ABCC3: variants seen among roughly 807,000 people sequenced by gnomAD.
ABCC3 encodes the protein ATP-binding cassette sub-family C member 3.
ABCC3 carries 121 observed loss-of-function variants against 165.3 expected under a neutral mutation model. The observed-to-expected ratio is 0.73, with a 90% confidence interval of 0.63 to 0.85. The LOEUF is 0.85. Ranked by LOEUF, ABCC3 falls within the 40% of genes least tolerant of loss-of-function variation. The probability of loss-of-function intolerance (pLI) is 0.00; values close to 1 mark genes in which losing one functional copy is unlikely to be tolerated. For missense variants in ABCC3, 1,869 were observed against 1,964.1 expected, an observed-to-expected ratio of 0.95 and a Z score of 0.92; for synonymous variants, 733 against 810.1, an observed-to-expected ratio of 0.90 and a Z score of 1.62.
At chr17:50,664,663 A>T (rs1469314732) in intron 10 of ABCC3, 1 of 165,362 alleles carries the variant, frequency 6.0e-6, no homozygotes, top group African/African-American at 2.7e-5. Flanking sequence ...AGATCATACC[A>T]CTGCACTCTA....
At chr17:50,658,946 C>T (rs1967317605) in intron 6 of ABCC3, among the ~76,000 whole-genome samples, 1 of 152,206 alleles carries the variant, frequency 6.6e-6, no homozygotes, top group Admixed American at 6.5e-5. Flanking sequence ...CTCGTCCTCA[C>T]CCAGGGCCCC....
Position 50,684,849 on chromosome 17 carries a change from G to T in ABCC3, c.4254G>T (p.Gln1418His). 2 of 1,614,162 alleles carry T rather than the reference G, an allele frequency of 1.2e-6. No homozygotes were observed. Among genetic ancestry groups the T allele is most frequent in the Non-Finnish European group, 1.7e-6 (2 of 1,180,036 alleles). The change falls in exon 29 of 31, where the codon CAG becomes CAT. Residue 1418 changes from glutamine (Q) to histidine (H), a missense_variant. Transcript: ENST00000285238. ...CCCAGCCGGCAGGCCTGGACTTCCA[G>T]TGCTCAGAGGGCGGGGAGAATCTCA... ...VSSQPAGLDF[Q>H]CSEGGENLSV... is the part of the protein sequence containing the mutation.
chr17:50,663,445 G>C, intron 8 of ABCC3: 1 of 554,350 alleles, frequency 1.8e-6, no homozygotes. Context: ...GTCATCGATA[G>C]GGCGTGCAGC....
chr17:50,653,758 G>GA (rs57247095), intron 1 of ABCC3, among the ~76,000 whole-genome samples: 66,775 of 132,100 alleles, frequency 0.51, 15,537 homozygotes, highest in Non-Finnish European at 0.56. Context: ...CATCTCAAAA[G>GA]AAAAAAAAAA....
In ABCC3 at chr17:50,656,959, A is replaced by G. The variant is rs1362281537; in HGVS notation, c.349-87A>G. 51 of 1,555,536 alleles carry G rather than the reference A, an allele frequency of 3.3e-5. No individual in the cohort carries two copies. In the South Asian group the frequency reaches 4.9e-4, roughly 15 times the overall value. On this transcript the variant is annotated intron_variant, in intron 3 of 30. Coordinates refer to ENST00000285238, the MANE Select transcript of ABCC3 (RefSeq NM_003786.4). The stretch of plus-strand genomic sequence containing the variant: ...GGGAAGAAGAAGGGGGTGGCCCCAG[A>G]AACTTCTGGCCATGTGGGATGGGGA...
intron 3 of ABCC3, 40 bp downstream of exon 3, chr17:50,656,867 C>A (rs749089527): frequency 5.7e-6 from 9 of 1,580,698 alleles, no homozygotes; most frequent in Middle Eastern, 1.7e-4. Flanking sequence ...GGGGAGGTCT[C>A]CATTGGGTTG....
At chr17:50,663,615 G>A (rs1293245935) in intron 8 of ABCC3, 66 bp from the exon 9 acceptor site, 2 of 1,565,252 alleles carry the variant, frequency 1.3e-6, no homozygotes, top group South Asian at 1.1e-5. Context: ...AAAAGCAAAG[G>A]GCAGCAGAGG....
chr17:50,671,974 G>A (rs113742447), intron 17 of ABCC3, among the ~76,000 whole-genome samples: 115 of 151,718 alleles, frequency 7.6e-4, no homozygotes, highest in African/African-American at 2.8e-3. Flanking sequence ...CACCCACCTC[G>A]ACCTCCCAAA....
chr17:50,652,367 A>C (rs1404831745), intron 1 of ABCC3, among the ~76,000 whole-genome samples: 1 of 151,750 alleles, frequency 6.6e-6, no homozygotes, highest in Non-Finnish European at 1.5e-5. Context: ...AGATGACTAA[A>C]GCTTTTGAAT....
chr17:50,635,287 T>C (rs1396561692), intron 1 of ABCC3: 1 of 621,540 alleles, frequency 1.6e-6, no homozygotes, highest in Non-Finnish European at 2.9e-6. Flanking sequence ...GCTGGGTGAG[T>C]CGGCTCCATC....
intron 1 of ABCC3, among the ~76,000 whole-genome samples, chr17:50,641,597 G>T (rs1283669823): frequency 6.6e-6 from 1 of 152,158 alleles, no homozygotes; most frequent in Non-Finnish European, 1.5e-5. Context: ...CTATTCATTT[G>T]TTTATTCATT....
chr17:50,671,703 T>TTA, intron 17 of ABCC3, among the ~76,000 whole-genome samples: 1 of 24,850 alleles, frequency 4.0e-5, no homozygotes, highest in Non-Finnish European at 7.4e-5. Flanking sequence ...CCTTCCTTCC[T>TTA]TTTTTTTTTT....
chr17:50,646,099 AAAAG>A (rs1966997423), intron 1 of ABCC3, among the ~76,000 whole-genome samples: 1 of 152,248 alleles, frequency 6.6e-6, no homozygotes, highest in Non-Finnish European at 1.5e-5. Context: ...TGTTATAGAG[AAAAG>A]AAAAAGCGGA....
chr17:50,678,106 G>A lies in ABCC3; in HGVS notation c.3592G>A (p.Gly1198Arg), dbSNP rs369764327. The A allele has an allele frequency of 2.7e-5, 43 of 1,599,208 alleles. No individual in the cohort carries two copies. Among genetic ancestry groups the A allele is most frequent in the Non-Finnish European group, 3.2e-5 (38 of 1,171,226 alleles). ...YIISNRWLSI[G>R]VEFVGNCVVL... The stretch of plus-strand genomic sequence containing the variant: ...GATCCCCCATAGGTGGCTGAGCATC[G>A]GAGTGGAGTTCGTGGGGAACTGCGT... The change falls in exon 25 of 31, where the codon GGA (glycine) becomes AGA (arginine). Residue 1198 changes from glycine (G) to arginine (R), a missense_variant. Coordinates refer to ENST00000285238, the MANE Select transcript of ABCC3 (RefSeq NM_003786.4).
intron 25 of ABCC3, 134 bp downstream of exon 25, chr17:50,678,353 GAAA>G: frequency 9.5e-5 from 60 of 634,560 alleles, no homozygotes; most frequent in Non-Finnish European, 1.1e-4. Context: ...AGGACTGTGA[GAAA>G]AAAAAAAAAA....
Position 50,676,375 on chromosome 17 carries a change from G to A in ABCC3, c.3165G>A (p.Ser1055=), listed in dbSNP as rs746404689. 66 of 1,614,018 alleles carry A rather than the reference G, an allele frequency of 4.1e-5. No homozygotes were observed. The Middle Eastern group carries it at 9.9e-4, about 24-fold the overall frequency. ...CACTGCTGCACAACAAGATACGCTC[G>A]CCACAGTCCTTCTTTGACACCACAC... ...HQALLHNKIR[S]PQSFFDTTPS... The change falls in exon 23 of 31, where the codon TCG becomes TCA. Residue 1055 remains serine, a synonymous_variant. Coordinates refer to ENST00000285238, the MANE Select transcript of ABCC3 (RefSeq NM_003786.4).
chr17:50,671,728 T>TTG (rs1333152375), intron 17 of ABCC3, among the ~76,000 whole-genome samples: 2 of 135,084 alleles, frequency 1.5e-5, no homozygotes, highest in Non-Finnish European at 3.0e-5. Flanking sequence ...TTTTTTTTTT[T>TTG]TTTTGAGACA....
intron 10 of ABCC3, chr17:50,664,323 AT>A: frequency 1.6e-6 from 1 of 608,908 alleles, no homozygotes; most frequent in Non-Finnish European, 2.9e-6. Context: ...CCTGGGCAAC[AT>A]AGCAAGACCT....
At position 50,687,660 on chromosome 17, in the gene ABCC3, C is replaced by T. The variant is rs757031551; in HGVS notation, c.4405C>T (p.Arg1469Cys). 21 of 1,614,128 alleles carry T rather than the reference C, an allele frequency of 1.3e-5. 1 individual carries two copies. The highest frequency in any genetic ancestry group is 1.1e-4 in the South Asian group (10 of 91,088). Residue 1469 changes from arginine to cysteine, a missense_variant, in exon 30 of 31, where the codon CGC becomes TGC. Transcript: ENST00000285238. ...TGACAACCTCATCCAGGCTACCATC[C>T]GCACCCAGTTTGATACCTGCACTGT... ...ETDNLIQATI[R>C]TQFDTCTVLT...
Sources: allele counts gnomAD v4.1 joint callset (sites outside exome capture counted in the v4.1 genomes callset), GRCh38; gene constraint gnomAD v4.1.1; transcripts MANE v1.5; gene names NCBI Gene and HGNC (gene_info 2026-07-23, HGNC 2026-07-21).